The following DAPK2 variants were observed in gnomAD, a reference collection of about 807,000 sequenced individuals.
DAPK2 encodes death-associated protein kinase 2.
Under a neutral mutation model 44.1 loss-of-function variants are expected in DAPK2, and 35 were observed. The ratio of observed to expected loss-of-function variants is 0.79; its 90% CI spans 0.61 to 1.05. DAPK2 has a LOEUF of 1.05. Ranked by LOEUF, DAPK2 falls within the 50% of genes least tolerant of loss-of-function variation. DAPK2 has a pLI of 0.00. For missense variants in DAPK2, 453 were observed against 483.2 expected, an observed-to-expected ratio of 0.94 and a Z score of 0.59; for synonymous variants, 174 against 182.6, an observed-to-expected ratio of 0.95 and a Z score of 0.38.
intron 1 of DAPK2, among the ~76,000 whole-genome samples, chr15:64,019,634 G>A (rs532863554): frequency 5.9e-5 from 9 of 152,360 alleles, no homozygotes; most frequent in African/African-American, 1.9e-4. Flanking sequence ...TGTTTCTAGA[G>A]AATGCCACAG....
At chr15:64,029,462 A>G (rs988745213) in intron 1 of DAPK2, among the ~76,000 whole-genome samples, 24 of 152,224 alleles carry the variant, frequency 1.6e-4, no homozygotes, top group Middle Eastern at 6.8e-3. Context: ...CCCTTGAGGT[A>G]GTTACCGGCC....
At chr15:63,969,466 C>T (rs1200018104) in intron 3 of DAPK2, among the ~76,000 whole-genome samples, 1 of 151,694 alleles carries the variant, frequency 6.6e-6, no homozygotes, top group East Asian at 1.9e-4. Flanking sequence ...TGGCCAGACG[C>T]AGTGGCTCAT....
upstream of DAPK2, chr15:64,040,362 A>G: frequency 1.1e-6 from 1 of 917,086 alleles, no homozygotes; most frequent in Non-Finnish European, 1.8e-6. Flanking sequence ...CAAGGGAGCT[A>G]ATAATTTAGT....
intron 1 of DAPK2, chr15:64,029,997 G>C (rs1020491062): frequency 6.6e-6 from 1 of 152,584 alleles, no homozygotes; most frequent in African/African-American, 2.4e-5. Context: ...TCTCTCTAAA[G>C]TCTGCTGTAT....
rs1226242523 is a variant in DAPK2 at position 63,917,221 on chromosome 15, G to T, written c.859-5024C>A. On this transcript the variant is annotated intron_variant, in intron 8 of 10. Transcript: ENST00000261891. The surrounding 1 kb of genome is among the most constrained non-coding windows in gnomAD (Gnocchi z 4.4). The stretch of plus-strand genomic sequence containing the variant: ...CTACTAAAAATACAAAAACTAGTTG[G>T]GTGTGGTGGTGGGTGCCTGTAATCT... The T allele has an allele frequency of 6.6e-6, 1 of 152,142 alleles. No homozygotes were observed. The highest frequency in any genetic ancestry group is 1.5e-5 in the Non-Finnish European group (1 of 68,040). 9.4% of individuals were successfully genotyped at this position (152,142 alleles called of 1,614,324 possible).
rs1239376867 is a variant in DAPK2, at chr15:63,908,421, G to C, written c.*99C>G. 1 of 682,492 alleles carries C rather than the reference G, an allele frequency of 1.5e-6. No individual in the cohort carries two copies. Among genetic ancestry groups the C allele is most frequent in the Non-Finnish European group, 2.3e-6 (1 of 434,900 alleles). 42.3% of individuals were successfully genotyped at this position (682,492 alleles called of 1,614,324 possible). On this transcript the variant is annotated 3_prime_UTR_variant, in exon 11 of 11. Coordinates refer to ENST00000261891, the Ensembl canonical transcript of DAPK2. This position sits in a 1 kb window ranked among gnomAD's most constrained non-coding sequence, Gnocchi z 5.7. The stretch of plus-strand genomic sequence containing the variant: ...CCCATCTCTCTTGCAAAGTGCTCAG[G>C]ACGCCCGGGTGCTGGTGCTGAGCTG...
At chr15:63,910,802 C>T (rs1467133762) in intron 10 of DAPK2, 1 of 152,218 alleles carries the variant, frequency 6.6e-6, no homozygotes, top group Non-Finnish European at 1.5e-5. Flanking sequence ...AAATGAACCT[C>T]CCGCCTCAGC....
chr15:63,951,829 C>A (rs1298315655), intron 3 of DAPK2, among the ~76,000 whole-genome samples: 4 of 152,248 alleles, frequency 2.6e-5, no homozygotes, highest in African/African-American at 9.6e-5. Flanking sequence ...CTGGTTTTCA[C>A]TAACGCATTC....
intron 1 of DAPK2, among the ~76,000 whole-genome samples, chr15:64,017,643 C>T (rs2079566708): frequency 6.6e-6 from 1 of 152,380 alleles, no homozygotes; most frequent in Admixed American, 6.5e-5. Flanking sequence ...GGCCACTTAA[C>T]ATCTCCAAGC....
At chr15:64,005,912 T>C (rs2140992343) in intron 1 of DAPK2, among the ~76,000 whole-genome samples, 1 of 152,078 alleles carries the variant, frequency 6.6e-6, no homozygotes, top group Admixed American at 6.5e-5. Context: ...CACACATTTG[T>C]AGTCCTAGCT....
chr15:63,915,568 C>T (rs912489797), intron 8 of DAPK2, among the ~76,000 whole-genome samples: 1 of 152,228 alleles, frequency 6.6e-6, no homozygotes, highest in Admixed American at 6.5e-5. Flanking sequence ...GGAAGGTCAA[C>T]TTGCAGGTGT....
At chr15:64,006,036 C>CA (rs35338084) in intron 1 of DAPK2, among the ~76,000 whole-genome samples, 31,711 of 92,040 alleles carry the variant, frequency 0.34, 4,939 homozygotes, top group African/African-American at 0.5. Flanking sequence ...GATCCTGACT[C>CA]AAAAAAAAAA....
intron 1 of DAPK2, among the ~76,000 whole-genome samples, chr15:63,992,593 A>G (rs146952596): frequency 1.5e-3 from 225 of 152,326 alleles, no homozygotes; most frequent in African/African-American, 5.1e-3. Flanking sequence ...GGAGTGATAC[A>G]CAAGCACTTC....
At chr15:64,028,749 G>A (rs952143304) in intron 1 of DAPK2, among the ~76,000 whole-genome samples, 4 of 152,016 alleles carry the variant, frequency 2.6e-5, no homozygotes, top group African/African-American at 7.2e-5. Flanking sequence ...GGATGGATAC[G>A]TAGGTAGGCA....
chr15:64,015,901 C>T (rs2079513196), intron 1 of DAPK2, among the ~76,000 whole-genome samples: 1 of 152,228 alleles, frequency 6.6e-6, no homozygotes, highest in East Asian at 1.9e-4. Context: ...TGATTTTGGA[C>T]TTCCGACCTC....
intron 1 of DAPK2, among the ~76,000 whole-genome samples, chr15:64,012,943 G>T (rs2079426437): frequency 6.6e-6 from 1 of 152,176 alleles, no homozygotes; most frequent in Admixed American, 6.6e-5. Flanking sequence ...GGGAATGACT[G>T]TAAAATGTTT....
chr15:63,943,919 A>G (rs939839393), intron 3 of DAPK2, among the ~76,000 whole-genome samples: 1 of 152,096 alleles, frequency 6.6e-6, no homozygotes, highest in Non-Finnish European at 1.5e-5. Context: ...GAGAAGCAGC[A>G]ATGCCACTCT....
At chr15:63,994,927 G>A (rs1009265625) in intron 1 of DAPK2, among the ~76,000 whole-genome samples, 4 of 151,958 alleles carry the variant, frequency 2.6e-5, no homozygotes, top group African/African-American at 7.3e-5. Context: ...AGATGGTACT[G>A]TAGATACTAT....
At chr15:63,940,370 T>C (rs972093304) in intron 3 of DAPK2, among the ~76,000 whole-genome samples, 1 of 151,832 alleles carries the variant, frequency 6.6e-6, no homozygotes, top group Non-Finnish European at 1.5e-5. Flanking sequence ...CACATGTGAA[T>C]TCGATTTGGC....
Sources: gnomAD v4.1 joint callset for allele counts (sites outside exome capture counted in the v4.1 genomes callset) on GRCh38, gnomAD v4.1.1 for gene constraint, Gnocchi (gnomAD v3.1) non-coding constraint, MANE v1.5 for transcripts, NCBI Gene and HGNC (gene_info 2026-07-23, HGNC 2026-07-21) for gene names.